Variants in EPG5 observed in about 807,000 individuals in gnomAD.
EPG5 encodes ectopic P granules protein 5 homolog.
A neutral mutation model predicts 302.7 loss-of-function variants in EPG5; 159 were observed. That is an observed-to-expected ratio of 0.53 (90% CI 0.46 to 0.60). The LOEUF is 0.60. EPG5 is among the 20% of genes least tolerant of loss of function. The probability of loss-of-function intolerance (pLI) is 0.00; values close to 1 mark genes in which losing one functional copy is unlikely to be tolerated. For missense variants in EPG5, 2,896 were observed against 3,092.4 expected, an observed-to-expected ratio of 0.94 and a Z score of 1.51; for synonymous variants, 1,158 against 1,136.8, an observed-to-expected ratio of 1.02 and a Z score of -0.37.
intron 1 of EPG5, among the ~76,000 whole-genome samples, chr18:45,960,202 C>G (rs915558781): frequency 5.9e-5 from 9 of 152,168 alleles, no homozygotes; most frequent in Non-Finnish European, 1.3e-4. Context: ...AAAATTCAGA[C>G]AACTCTATGT....
chr18:45,940,479 T>C (rs1023721087), intron 9 of EPG5, among the ~76,000 whole-genome samples: 2 of 151,160 alleles, frequency 1.3e-5, no homozygotes, highest in Non-Finnish European at 2.9e-5. Context: ...GTGGGCAAAG[T>C]CAGAAGCAGG....
intron 39 of EPG5, among the ~76,000 whole-genome samples, chr18:45,863,384 C>G (rs1296001580): frequency 6.6e-6 from 1 of 152,092 alleles, no homozygotes; most frequent in Non-Finnish European, 1.5e-5. Context: ...TTGGACATTC[C>G]TTTTTATCTC....
the EPG5 span, among the ~76,000 whole-genome samples, chr18:45,814,612 T>C: frequency 6.6e-6 from 1 of 152,228 alleles, no homozygotes; most frequent in African/African-American, 2.4e-5. Flanking sequence ...GAAAAGTGCA[T>C]GATATCTGTG....
In EPG5 at chr18:45,915,697, C is replaced by T. The variant is rs1409393983; in HGVS notation, c.3583-76G>A. The T allele has an allele frequency of 7.4e-6, 8 of 1,082,790 alleles. No homozygotes were observed. In the African/African-American group the frequency reaches 1.2e-4, roughly 17 times the overall value. 67.1% of individuals were successfully genotyped at this position (1,082,790 alleles called of 1,614,324 possible). A position where few individuals can be genotyped will look rare whatever the true frequency, so the allele number is the denominator to read the frequency against. The stretch of plus-strand genomic sequence containing the variant: ...TCAATGACCTTTACAAGAGTATCAG[C>T]AACTGTCTTACTACAATACAAGATT... On this transcript the variant is annotated intron_variant, in intron 19 of 43. Coordinates refer to ENST00000282041, the MANE Select transcript of EPG5 (RefSeq NM_020964.3).
intron 31 of EPG5, among the ~76,000 whole-genome samples, chr18:45,880,632 C>G (rs975204008): frequency 6.6e-6 from 1 of 152,164 alleles, no homozygotes; most frequent in African/African-American, 2.4e-5. Context: ...AGGGCCTGGG[C>G]TCTCCAGAAG....
rs568932606 is a variant in EPG5 at position 45,857,330 on chromosome 18, C to T, written c.7442+523G>A. Among the ~76,000 whole-genome samples the T allele has an allele frequency of 6.6e-5, 10 of 152,166 alleles. 1 individual carries two copies. The highest frequency in any genetic ancestry group is 5.2e-4 in the Admixed American group (8 of 15,274). On this transcript the variant is annotated intron_variant, in intron 42 of 43. Coordinates refer to ENST00000282041, the MANE Select transcript of EPG5 (RefSeq NM_020964.3). ...TTCACCATGTTGGCCAGGCTGGTCT[C>T]GAACTCCTGACCTCAAGTGATCTGC...
chr18:45,823,732 C>T, the EPG5 span, among the ~76,000 whole-genome samples: 1 of 152,078 alleles, frequency 6.6e-6, no homozygotes. Context: ...TAATTATAGC[C>T]CAGGAAAAGG....
At chr18:45,959,332 C>T (rs2051097448) in intron 1 of EPG5, among the ~76,000 whole-genome samples, 1 of 151,030 alleles carries the variant, frequency 6.6e-6, no homozygotes, top group Non-Finnish European at 1.5e-5. Context: ...CAGAGTCAGA[C>T]TCCATCTCAC....
chr18:45,837,441 G>C, the EPG5 span: 1 of 1,411,976 alleles, frequency 7.1e-7, no homozygotes, highest in Non-Finnish European at 9.2e-7. Flanking sequence ...TGGGTCGTGG[G>C]GTTTCCAGGC....
At chr18:45,925,121 G>A (rs1464144288) in intron 14 of EPG5, among the ~76,000 whole-genome samples, 3 of 152,128 alleles carry the variant, frequency 2.0e-5, no homozygotes, top group Non-Finnish European at 4.4e-5. Flanking sequence ...AGGAGAAAAA[G>A]GAATGAGAGG....
At position 45,879,231 on chromosome 18, in the gene EPG5, G is replaced by A. The variant is rs1404064156; in HGVS notation, c.5668-17C>T. ...CTCCATTACCTGGAAGAGACAACTA[G>A]TCAAAAAATGCTTACTAAATATGTA... On this transcript the variant is annotated splice_polypyrimidine_tract_variant and intron_variant, in intron 32 of 43. Transcript: ENST00000282041. The A allele has an allele frequency of 1.3e-6, 2 of 1,564,068 alleles. No homozygotes were observed. The highest frequency in any genetic ancestry group is 3.7e-5 in the Admixed American group (2 of 54,588).
At chr18:45,837,816 G>A in the EPG5 span, 2 of 1,532,752 alleles carry the variant, frequency 1.3e-6, no homozygotes, top group East Asian at 2.6e-5. Flanking sequence ...GACGACCGCC[G>A]CTACTTCTGC....
At chr18:45,923,157 G>T in intron 15 of EPG5, 111 bp downstream of exon 15, 1 of 1,200,120 alleles carries the variant, frequency 8.3e-7, no homozygotes, top group Non-Finnish European at 1.2e-6. Flanking sequence ...TAAATTGCTA[G>T]AAATGTTCTT....
chr18:45,954,460 C>G lies in EPG5; in HGVS notation c.942G>C (p.Leu314=). 1 of 1,614,122 alleles carries G rather than the reference C, an allele frequency of 6.2e-7. No homozygotes were observed. Among genetic ancestry groups the G allele is most frequent in the Non-Finnish European group, 8.5e-7 (1 of 1,180,012 alleles). Residue 314 remains leucine (L), a synonymous_variant, in exon 2 of 44, where the codon CTG becomes CTC. Transcript: ENST00000282041. The stretch of plus-strand genomic sequence containing the variant: ...TTTTAGCATTTTGGCAATCAGATGT[C>G]AGAGTAAGCAGCTCAGCTTCAGCCA... ...LLLAEAELLT[L]TSDCQNAKSR... is the part of the protein sequence containing the mutation.
At chr18:45,909,368 T>C (rs2049839019) in intron 23 of EPG5, among the ~76,000 whole-genome samples, 1 of 152,196 alleles carries the variant, frequency 6.6e-6, no homozygotes. Flanking sequence ...TGGTTAAGGC[T>C]GGTTAAAAAT....
At chr18:45,909,890 G>A (rs2049850344) in intron 23 of EPG5, among the ~76,000 whole-genome samples, 1 of 152,202 alleles carries the variant, frequency 6.6e-6, no homozygotes, top group Non-Finnish European at 1.5e-5. Flanking sequence ...GGGCTGAGGT[G>A]CACTATGATC....
At chr18:45,811,570 G>C in the EPG5 span, among the ~76,000 whole-genome samples, 1 of 152,270 alleles carries the variant, frequency 6.6e-6, no homozygotes, top group East Asian at 1.9e-4. Flanking sequence ...TATCCACCAT[G>C]ATCAAGTGGA....
rs935010738 is a variant in EPG5 at position 45,922,411 on chromosome 18, A to T, written c.3028T>A (p.Leu1010Met). ...GGCATGCCCGCTTTCACAGCCTTCA[A>T]GAGAGGATGAAACGTGGGTGACTCT... ...MTESPTFHPL[L>M]KAVKAGMPIG... The change falls in exon 16 of 44, where the codon TTG becomes ATG. Residue 1010 changes from leucine to methionine, a missense_variant. Physicochemically the swap from Leu to Met is conservative, Grantham distance 15. Around this residue, in one of 5 missense-constraint regions of EPG5, gnomAD observed 1,390 missense variants for 1,430.0 expected, o/e 0.97. Transcript: ENST00000282041. 1.9e-6 allele frequency: 3 copies of T among 1,614,120 alleles called. No homozygotes were observed. In the African/African-American group the frequency reaches 4.0e-5, roughly 22 times the overall value.
chr18:45,926,744 G>A (rs562225135), intron 13 of EPG5, among the ~76,000 whole-genome samples: 33 of 151,872 alleles, frequency 2.2e-4, no homozygotes, highest in South Asian at 1.2e-3. Context: ...ACCCATTGGC[G>A]GAGGTTGCAG....
Sources: gnomAD v4.1 joint callset for allele counts (sites outside exome capture counted in the v4.1 genomes callset) on GRCh38, gnomAD v4.1.1 for gene constraint, gnomAD v4.1.1 regional missense constraint, MANE v1.5 for transcripts, NCBI Gene and HGNC (gene_info 2026-07-23, HGNC 2026-07-21) for gene names.